The following SUGCT variants were observed in gnomAD, a reference collection of about 807,000 sequenced individuals.
The protein encoded by SUGCT is succinyl-CoA:glutarate CoA-transferase.
A neutral mutation model predicts 55.0 loss-of-function variants in SUGCT; 41 were observed. The observed-to-expected ratio is 0.74, with a 90% CI of 0.58 to 0.97. The LOEUF (loss-of-function observed/expected upper bound fraction) is 0.97, where lower values mean the gene tolerates loss of function less well. Among genes scored for constraint, SUGCT ranks in the 50% least tolerant of loss-of-function variants. The pLI, the probability that SUGCT is intolerant of heterozygous loss-of-function variation, is 0.00. For synonymous variants in SUGCT, 187 were observed against 200.4 expected (o/e 0.93, Z 0.56); for missense variants, 568 against 547.8 (o/e 1.04, Z -0.37).
intron 12 of SUGCT, among the ~76,000 whole-genome samples, chr7:40,556,041 AG>A (rs1381983887): frequency 6.6e-6 from 1 of 151,996 alleles, no homozygotes; most frequent in East Asian, 1.9e-4. Context: ...TTTGAAGGGG[AG>A]TGTATTGGTC....
intron 9 of SUGCT, among the ~76,000 whole-genome samples, chr7:40,359,482 G>A (rs1240368135): frequency 6.6e-6 from 1 of 152,186 alleles, no homozygotes; most frequent in Non-Finnish European, 1.5e-5. Flanking sequence ...TGGGATTACA[G>A]GCGTGAGCCA....
chr7:40,488,020 CTT>C (rs550811287), intron 11 of SUGCT, among the ~76,000 whole-genome samples: 1 of 144,156 alleles, frequency 6.9e-6, no homozygotes. Context: ...CTACTCTGCT[CTT>C]TTTTTTTTTG....
chr7:41,009,181 T>A, the SUGCT span, among the ~76,000 whole-genome samples: 1 of 147,968 alleles, frequency 6.8e-6, no homozygotes, highest in Admixed American at 6.7e-5. Context: ...GCCACTGCAC[T>A]TCTGCCTGGG....
At chr7:40,630,557 G>T (rs1161554105) in intron 12 of SUGCT, among the ~76,000 whole-genome samples, 2 of 152,102 alleles carry the variant, frequency 1.3e-5, no homozygotes, top group Admixed American at 1.3e-4. Context: ...TTGGAACTTA[G>T]ATGCTATCCT....
In SUGCT at chr7:40,160,541, T is replaced by A. The variant is rs148775645; in HGVS notation, c.101-20406T>A. On this transcript the variant is annotated intron_variant, in intron 1 of 13. Coordinates refer to ENST00000335693, the MANE Select transcript of SUGCT (RefSeq NM_001193313.2). The stretch of plus-strand genomic sequence containing the variant: ...ACCATGCCCAGATGAAATGATTTTT[T>A]TAAAACATGAAATCTTAAAACACCT... 5.0e-3 allele frequency among the ~76,000 whole-genome samples: 764 copies of A among 152,296 alleles called. 8 individuals are homozygous for A. Among genetic ancestry groups the A allele is most frequent in the African/African-American group, 0.017 (712 of 41,570 alleles).
At chr7:40,231,240 G>A (rs1274389664) in intron 6 of SUGCT, among the ~76,000 whole-genome samples, 1 of 152,126 alleles carries the variant, frequency 6.6e-6, no homozygotes, top group Admixed American at 6.5e-5. Context: ...TGTAACAAGT[G>A]TTGTTTTTAT....
intron 9 of SUGCT, among the ~76,000 whole-genome samples, chr7:40,441,885 T>G (rs1228396104): frequency 6.6e-6 from 1 of 152,076 alleles, no homozygotes; most frequent in Non-Finnish European, 1.5e-5. Flanking sequence ...GATGAAATCT[T>G]AGCAGTGTCC....
Position 40,741,459 on chromosome 7 carries a change from A to G in SUGCT, c.1090-7975A>G, listed in dbSNP as rs143280911. Among the ~76,000 whole-genome samples the G allele has an allele frequency of 4.9e-4, 74 of 152,306 alleles. No homozygotes were observed. The East Asian group carries it at 0.011, about 23-fold the overall frequency. ...CCATTTCACAGTGATCAGATTGGCA[A>G]AACCTAAAAACTCTGATAATATTAA... is the stretch of plus-strand genomic sequence containing the variant. On this transcript the variant is annotated intron_variant, in intron 12 of 13. Transcript: ENST00000335693.
At chr7:40,841,085 C>CT (rs933237029) in intron 13 of SUGCT, among the ~76,000 whole-genome samples, 12 of 149,712 alleles carry the variant, frequency 8.0e-5, no homozygotes, top group Admixed American at 2.0e-4. Flanking sequence ...ATTACTTAGA[C>CT]TTTTTTTTTT....
At chr7:40,546,573 A>G (rs533879093) in intron 12 of SUGCT, 1 of 152,352 alleles carries the variant, frequency 6.6e-6, no homozygotes, top group African/African-American at 2.4e-5. Flanking sequence ...CACAGTTTGA[A>G]TAAAAGCCTC....
At chr7:40,519,239 A>G (rs1793403069) in intron 12 of SUGCT, among the ~76,000 whole-genome samples, 1 of 152,166 alleles carries the variant, frequency 6.6e-6, no homozygotes, top group South Asian at 2.1e-4. Flanking sequence ...AGAATGAACT[A>G]AATTCCAAAT....
chr7:40,580,745 A>T (rs1797043486), intron 12 of SUGCT, among the ~76,000 whole-genome samples: 1 of 152,198 alleles, frequency 6.6e-6, no homozygotes, highest in African/African-American at 2.4e-5. Flanking sequence ...TGGTTCTATG[A>T]GATTACAACT....
chr7:40,147,845 C>T (rs572771666), intron 1 of SUGCT, among the ~76,000 whole-genome samples: 41 of 152,348 alleles, frequency 2.7e-4, no homozygotes, highest in Non-Finnish European at 5.9e-4. Context: ...TTCTGTGCTG[C>T]AAAAGAAATA....
chr7:40,542,829 A>C (rs1385345182), intron 12 of SUGCT, among the ~76,000 whole-genome samples: 1 of 152,212 alleles, frequency 6.6e-6, no homozygotes, highest in East Asian at 1.9e-4. Context: ...GATTCGATAT[A>C]GTTAAACTCC....
At chr7:40,511,555 T>C (rs1792932727) in intron 12 of SUGCT, among the ~76,000 whole-genome samples, 1 of 152,184 alleles carries the variant, frequency 6.6e-6, no homozygotes, top group Non-Finnish European at 1.5e-5. Context: ...TTTACCATGA[T>C]TAGGTAAGAT....
At chr7:40,388,634 T>C (rs1310251729) in intron 9 of SUGCT, among the ~76,000 whole-genome samples, 1 of 152,188 alleles carries the variant, frequency 6.6e-6, no homozygotes, top group Non-Finnish European at 1.5e-5. Flanking sequence ...CAGTCTGGTC[T>C]TGAACTCCTG....
chr7:40,350,762 G>T (rs1278289146), intron 9 of SUGCT, among the ~76,000 whole-genome samples: 5 of 152,034 alleles, frequency 3.3e-5, no homozygotes, highest in Non-Finnish European at 7.4e-5. Flanking sequence ...ATCTACATTA[G>T]GTATTTCTCC....
chr7:40,702,173 C>T (rs1296935399), intron 12 of SUGCT, among the ~76,000 whole-genome samples: 2 of 152,204 alleles, frequency 1.3e-5, no homozygotes, highest in Non-Finnish European at 2.9e-5. Context: ...AGACCTTCCT[C>T]AGATTATCTA....
At chr7:40,391,115 C>T (rs899767459) in intron 9 of SUGCT, among the ~76,000 whole-genome samples, 1 of 152,106 alleles carries the variant, frequency 6.6e-6, no homozygotes, top group Non-Finnish European at 1.5e-5. Flanking sequence ...CTTCCTTACA[C>T]CTTATACAAA....
Sources: gnomAD v4.1 joint callset for allele counts (sites outside exome capture counted in the v4.1 genomes callset) on GRCh38, gnomAD v4.1.1 for gene constraint, MANE v1.5 for transcripts, NCBI Gene and HGNC (gene_info 2026-07-23, HGNC 2026-07-21) for gene names.